The following LEPROTL1 variants were observed in gnomAD, a reference collection of about 807,000 sequenced individuals.
LEPROTL1 encodes the protein leptin receptor overlapping transcript like 1, also known as leptin receptor overlapping transcript-like 1.
A neutral mutation model predicts 15.4 loss-of-function variants in LEPROTL1; 6 were observed. That is an observed-to-expected ratio of 0.39 (90% confidence interval 0.21 to 0.77). The LOEUF (loss-of-function observed/expected upper bound fraction) is 0.77. Ranked by LOEUF, LEPROTL1 falls within the 30% of genes least tolerant of loss-of-function variation. The pLI is 0.41. For synonymous variants in LEPROTL1, 56 were observed against 52.6 expected (o/e 1.06, Z -0.28); for missense variants, 128 against 158.1 (o/e 0.81, Z 1.02).
Position 30,107,985 on chromosome 8 carries a change from G to A in LEPROTL1, c.*2123G>A, listed in dbSNP as rs1247112685. The A allele has an allele frequency of 1.0e-6, 1 of 974,736 alleles. No homozygotes were observed. Among genetic ancestry groups the A allele is most frequent in the Non-Finnish European group, 1.2e-6 (1 of 820,382 alleles). The allele number at this position is 974,736 out of a possible 1,614,324, so 60.4% of individuals were successfully genotyped here. A position where few individuals can be genotyped will look rare whatever the true frequency, so the allele number is the denominator to read the frequency against. ...TTACTTGAGATATGAATTTTCCATA[G>A]AATATGCACTGATACAATATTACCA... On this transcript the variant is annotated 3_prime_UTR_variant, in exon 4 of 4. Coordinates refer to ENST00000321250, the MANE Select transcript of LEPROTL1 (RefSeq NM_015344.3).
At position 30,106,812 on chromosome 8, in the gene LEPROTL1, C is replaced by T. The variant is rs1443956570; in HGVS notation, c.*950C>T. ...TGTTTGCATCATATATGCCAGAAAA[C>T]CTTCCTCTGCTTCCTCCTTTTGACT... On this transcript the variant is annotated 3_prime_UTR_variant, in exon 4 of 4. Coordinates refer to ENST00000321250, the MANE Select transcript of LEPROTL1 (RefSeq NM_015344.3). The T allele has an allele frequency of 2.0e-6, 2 of 984,800 alleles. No homozygotes were observed. The highest frequency in any genetic ancestry group is 2.4e-6 in the Non-Finnish European group (2 of 829,136). 61.0% of individuals were successfully genotyped at this position (984,800 alleles called of 1,614,324 possible).
chr8:30,119,429 C>T (rs556208707), intron 3 of LEPROTL1, among the ~76,000 whole-genome samples: 2 of 152,296 alleles, frequency 1.3e-5, no homozygotes, highest in Admixed American at 1.3e-4. Context: ...CTCCCTGTGT[C>T]CTCACACAGA....
At chr8:30,095,683 C>G in intron 1 of LEPROTL1, 155 bp downstream of exon 1, 1 of 759,068 alleles carries the variant, frequency 1.3e-6, no homozygotes, top group Non-Finnish European at 2.1e-6. Flanking sequence ...CTGCGCTTGG[C>G]CCGGAGGTGG....
chr8:30,104,591 G>A, intron 3 of LEPROTL1, 105 bp downstream of exon 3: 1 of 600,430 alleles, frequency 1.7e-6, no homozygotes, highest in South Asian at 4.0e-5. Flanking sequence ...AAAGACATAA[G>A]AGCCTAGAAG....
At chr8:30,129,753 AC>A (rs1802966338) in intron 3 of LEPROTL1, among the ~76,000 whole-genome samples, 1 of 150,326 alleles carries the variant, frequency 6.7e-6, no homozygotes, top group African/African-American at 2.5e-5. Flanking sequence ...ACACACACAC[AC>A]ACAAAGAACT....
chr8:30,110,398 G>A (rs900942549), downstream of LEPROTL1, among the ~76,000 whole-genome samples: 1 of 152,026 alleles, frequency 6.6e-6, no homozygotes, highest in Non-Finnish European at 1.5e-5. Flanking sequence ...CGTGTGTGTA[G>A]TGGGGGCAGA....
chr8:30,096,999 T>C (rs1181149206), intron 1 of LEPROTL1, among the ~76,000 whole-genome samples: 1 of 152,212 alleles, frequency 6.6e-6, no homozygotes, highest in African/African-American at 2.4e-5. Flanking sequence ...GGTCCCTCCT[T>C]CTACTCTAAT....
chr8:30,132,055 A>G, intron 3 of LEPROTL1: 1 of 1,551,760 alleles, frequency 6.4e-7, no homozygotes, highest in Non-Finnish European at 8.7e-7. Context: ...GAGACTCCTG[A>G]CCTCCACAGC....
At chr8:30,131,270 ATGTGTGTG>A (rs375063654) in intron 3 of LEPROTL1, among the ~76,000 whole-genome samples, 1 of 92,436 alleles carries the variant, frequency 1.1e-5, no homozygotes, top group African/African-American at 3.3e-5. Context: ...ATATATATAT[ATGTGTGTG>A]TATATATATA....
downstream of LEPROTL1, among the ~76,000 whole-genome samples, chr8:30,113,390 T>C (rs941847445): frequency 3.9e-5 from 6 of 152,090 alleles, no homozygotes; most frequent in African/African-American, 1.2e-4. Flanking sequence ...TACGGGATCG[T>C]ATTGAAGAGG....
downstream of LEPROTL1, among the ~76,000 whole-genome samples, chr8:30,113,089 G>A (rs1802678157): frequency 6.8e-6 from 1 of 147,322 alleles, no homozygotes; most frequent in Non-Finnish European, 1.5e-5. Context: ...TGGCCAATAT[G>A]GTGAAACCCC....
rs1355289188 is a variant in LEPROTL1 at position 30,108,491 on chromosome 8, CTG to C, written c.*2632_*2633del. The C allele has an allele frequency of 2.6e-5, 4 of 152,248 alleles. No individual in the cohort carries two copies. The highest frequency in any genetic ancestry group is 4.1e-4 in the South Asian group (2 of 4,830). 9.4% of individuals were successfully genotyped at this position (152,248 alleles called of 1,614,324 possible). On this transcript the variant is annotated 3_prime_UTR_variant, in exon 4 of 4. Transcript: ENST00000321250. Reference sequence around the variant, plus strand: ...ACAAAAAATATTTCTGTTTGGTACACTGTGAAGAGAGAAAAGTACTGTTCTGT... The same window carrying C: ...ACAAAAAATATTTCTGTTTGGTACACTGAAGAGAGAAAAGTACTGTTCTGT...
intron 3 of LEPROTL1, chr8:30,131,871 C>T (rs148872233): frequency 8.9e-6 from 13 of 1,458,640 alleles, no homozygotes; most frequent in Non-Finnish European, 1.2e-5. Context: ...CAAATGTATG[C>T]ATTATCGATG....
chr8:30,101,181 G>A (rs151027273), intron 1 of LEPROTL1, among the ~76,000 whole-genome samples: 8 of 152,244 alleles, frequency 5.3e-5, no homozygotes, highest in Admixed American at 6.5e-5. Context: ...ATAGGATGAG[G>A]TTTCTAAAGT....
Position 30,122,696 on chromosome 8 carries a change from G to A in LEPROTL1, c.280-9679G>A, listed in dbSNP as rs187749435. Among the ~76,000 whole-genome samples, 181 of 152,282 alleles carry A rather than the reference G, an allele frequency of 1.2e-3. 1 individual carries two copies. Among genetic ancestry groups the A allele is most frequent in the Non-Finnish European group, 2.0e-3 (138 of 68,016 alleles). ...TGTAATCCCAGCTACTCGGGAGACT[G>A]CGGCAGGAGAATCCCTTGAACCTAG... On this transcript the variant is annotated intron_variant, in intron 3 of 4. Coordinates refer to the LEPROTL1 transcript ENST00000442880.
At chr8:30,117,788 C>T (rs553343562) in intron 3 of LEPROTL1, 12 of 740,896 alleles carry the variant, frequency 1.6e-5, no homozygotes, top group South Asian at 6.2e-5. Context: ...ATTGTGGCGG[C>T]GCAGAAAGAT....
chr8:30,131,683 C>T (rs1227896111), intron 3 of LEPROTL1: 1 of 333,482 alleles, frequency 3.0e-6, no homozygotes, highest in East Asian at 6.5e-5. Flanking sequence ...TATCACTTTA[C>T]TTAATCTTTG....
At chr8:30,124,240 A>G (rs1273525886) in intron 3 of LEPROTL1, among the ~76,000 whole-genome samples, 1 of 152,128 alleles carries the variant, frequency 6.6e-6, no homozygotes, top group African/African-American at 2.4e-5. Context: ...GCAGTTTTTG[A>G]TCTTTTCATT....
chr8:30,133,788 C>CAAAAAA (rs11430475), intron 4 of LEPROTL1, among the ~76,000 whole-genome samples: 1 of 123,032 alleles, frequency 8.1e-6, no homozygotes. Context: ...GACCCTGTCT[C>CAAAAAA]AAAAAAAAAA....
Sources: allele counts gnomAD v4.1 joint callset (sites outside exome capture counted in the v4.1 genomes callset), GRCh38; gene constraint gnomAD v4.1.1; transcripts MANE v1.5; gene names NCBI Gene and HGNC (gene_info 2026-07-23, HGNC 2026-07-21).